DPCD: variants seen among roughly 807,000 people sequenced by gnomAD.
The protein encoded by DPCD is protein DPCD.
In DPCD, 20 loss-of-function variants were observed where a neutral mutation model predicts 26.4. That is an observed-to-expected ratio of 0.76 (90% CI 0.53 to 1.10). DPCD has a LOEUF of 1.10. Ranked by LOEUF, DPCD falls within the 50% of genes least tolerant of loss-of-function variation. DPCD has a pLI of 0.00. For synonymous variants in DPCD, 97 were observed against 94.2 expected, an observed-to-expected ratio of 1.03 and a Z score of -0.17; for missense variants, 202 against 253.9, an observed-to-expected ratio of 0.80 and a Z score of 1.39.
At chr10:101,591,522 G>C (rs541837310) in intron 1 of DPCD, among the ~76,000 whole-genome samples, 32 of 152,120 alleles carry the variant, frequency 2.1e-4, no homozygotes, top group African/African-American at 4.8e-4. Context: ...TGGGGAGTAG[G>C]GGGGAGGTTA....
chr10:101,609,203 T>G (rs2063755408), intron 5 of DPCD, among the ~76,000 whole-genome samples, 164 bp from the exon 6 acceptor site: 1 of 152,156 alleles, frequency 6.6e-6, no homozygotes. Context: ...TGGTCCAAGG[T>G]CTGCTCCTAC....
intron 1 of DPCD, among the ~76,000 whole-genome samples, chr10:101,589,134 A>T (rs886356881): frequency 1.3e-5 from 2 of 152,210 alleles, no homozygotes; most frequent in Non-Finnish European, 2.9e-5. Flanking sequence ...GAGGCTTTCA[A>T]GATAACAACT....
At chr10:101,593,972 G>A (rs143879367) in intron 1 of DPCD, among the ~76,000 whole-genome samples, 109 of 152,258 alleles carry the variant, frequency 7.2e-4, no homozygotes, top group African/African-American at 2.3e-3. Flanking sequence ...CTCCTATCTA[G>A]TAGAAGAGAT....
intron 2 of DPCD, among the ~76,000 whole-genome samples, chr10:101,599,035 T>C (rs898806799): frequency 9.9e-5 from 15 of 152,192 alleles, no homozygotes; most frequent in African/African-American, 3.4e-4. Flanking sequence ...CACTAAATGG[T>C]CCCAAGTGTT....
intron 1 of DPCD, among the ~76,000 whole-genome samples, chr10:101,590,644 T>A (rs192915977): frequency 6.7e-6 from 1 of 150,276 alleles, no homozygotes; most frequent in East Asian, 2.0e-4. Context: ...TGGGGTACGA[T>A]CATAGCTCAC....
intron 4 of DPCD, among the ~76,000 whole-genome samples, chr10:101,602,872 C>T (rs2063707617): frequency 6.6e-6 from 1 of 152,220 alleles, no homozygotes; most frequent in African/African-American, 2.4e-5. Flanking sequence ...ATGTGATTAC[C>T]AGGGAGTGAG....
At chr10:101,604,466 C>T (rs1169141070) in intron 4 of DPCD, among the ~76,000 whole-genome samples, 1 of 152,198 alleles carries the variant, frequency 6.6e-6, no homozygotes, top group Admixed American at 6.5e-5. Flanking sequence ...CTTGCCTTGT[C>T]TCTGAAGAGC....
intron 1 of DPCD, among the ~76,000 whole-genome samples, chr10:101,590,593 T>A (rs999175709): frequency 4.0e-5 from 6 of 151,536 alleles, no homozygotes; most frequent in African/African-American, 1.2e-4. Context: ...TTTTTTTTTT[T>A]TTTTTTTTAG....
rs1861926 is a variant in DPCD at position 101,606,989 on chromosome 10, C to G, written c.405-1846C>G. 7.1e-3 allele frequency among the ~76,000 whole-genome samples: 1,087 copies of G among 152,284 alleles called. 51 individuals carry two copies. The East Asian group carries it at 0.13, about 19-fold the overall frequency. On this transcript the variant is annotated intron_variant, in intron 4 of 5. Coordinates refer to ENST00000370151, the MANE Select transcript of DPCD (RefSeq NM_015448.3). ...AGCCTCCACCTGCTCTGCCTCCATT[C>G]CTCTTGCCTGGTGGTAGGAGTAGTT...
chr10:101,588,503 G>T, intron 1 of DPCD, 103 bp downstream of exon 1: 2 of 1,508,984 alleles, frequency 1.3e-6, no homozygotes, highest in Non-Finnish European at 8.9e-7. Context: ...AAGGGTCTCG[G>T]CGGTCAGCCG....
rs1189023069 is a variant in DPCD, at chr10:101,600,183, A to G, written c.146-555A>G. 6.6e-6 allele frequency among the ~76,000 whole-genome samples: 1 copy of G among 152,040 alleles called. No individual in the cohort carries two copies. Among genetic ancestry groups the G allele is most frequent in the Non-Finnish European group, 1.5e-5 (1 of 68,006 alleles). On this transcript the variant is annotated intron_variant, in intron 2 of 5. Coordinates refer to ENST00000370151, the MANE Select transcript of DPCD (RefSeq NM_015448.3). The surrounding 1 kb of genome is among the most constrained non-coding windows in gnomAD (Gnocchi z 4.7). ...CGATTTTGTTTAAATGCAGCTTTGG[A>G]GCGTTTTTTTGTTTTTGCTTTTTTC...
chr10:101,594,926 T>C (rs1186279744), intron 2 of DPCD, among the ~76,000 whole-genome samples, 188 bp downstream of exon 2: 1 of 152,034 alleles, frequency 6.6e-6, no homozygotes, highest in African/African-American at 2.4e-5. Flanking sequence ...TGCGAGTCCT[T>C]TTGACCAGTA....
chr10:101,599,918 G>A (rs2063680260), intron 2 of DPCD, among the ~76,000 whole-genome samples: 2 of 152,206 alleles, frequency 1.3e-5, no homozygotes, highest in South Asian at 2.1e-4. Flanking sequence ...CCCCTGCAGT[G>A]ATGGACCGCA....
chr10:101,594,527 G>C (rs745990152), intron 1 of DPCD, 131 bp from the exon 2 acceptor site: 11 of 786,272 alleles, frequency 1.4e-5, no homozygotes, highest in Non-Finnish European at 2.4e-5. Flanking sequence ...TTGGCAAGGA[G>C]TTTGGGGAGG....
In DPCD at chr10:101,601,221, G is replaced by A. The variant is rs1322677277; in HGVS notation, c.289G>A (p.Asp97Asn). The change falls in exon 4 of 6, where the codon GAC becomes AAC. Residue 97 changes from aspartate to asparagine, a missense_variant. Asp to Asn is a conservative substitution (Grantham distance 23). This residue lies in a region of DPCD where 118 missense variants were observed against 145.1 expected (regional missense o/e 0.81). Transcript: ENST00000370151. ...TCTGCAGCCTATCTTCATGCGCAAG[G>A]ACACCAAGATGAGTTTCCAGTGGCG... Reference protein sequence around the residue: ...SNANPIFMRKDTKMSFQWRIR... With the variant: ...SNANPIFMRKNTKMSFQWRIR... 3 of 1,613,738 alleles carry A rather than the reference G, an allele frequency of 1.9e-6. No individual in the cohort carries two copies. The highest frequency in any genetic ancestry group is 2.5e-6 in the Non-Finnish European group (3 of 1,179,924).
At chr10:101,599,382 GA>G (rs560831339) in intron 2 of DPCD, among the ~76,000 whole-genome samples, 1 of 152,092 alleles carries the variant, frequency 6.6e-6, no homozygotes, top group Non-Finnish European at 1.5e-5. Context: ...ATTTGTGGGG[GA>G]AAAAAGTTGC....
chr10:101,592,727 C>T (rs371959274), intron 1 of DPCD, among the ~76,000 whole-genome samples: 1 of 141,480 alleles, frequency 7.1e-6, no homozygotes, highest in African/African-American at 2.6e-5. Context: ...AAAAAAAAGC[C>T]TCAGTTGGCC....
chr10:101,608,089 G>A (rs1012207558), intron 4 of DPCD, among the ~76,000 whole-genome samples: 10 of 152,088 alleles, frequency 6.6e-5, no homozygotes, highest in Admixed American at 5.2e-4. Flanking sequence ...ACTGGGTGTT[G>A]CCATCTGTTC....
At chr10:101,590,582 C>CTT (rs763711189) in intron 1 of DPCD, among the ~76,000 whole-genome samples, 14 of 121,556 alleles carry the variant, frequency 1.2e-4, no homozygotes, top group Non-Finnish European at 1.1e-4. Context: ...AACGGAAATT[C>CTT]TTTTTTTTTT....
Sources: allele counts gnomAD v4.1 joint callset (sites outside exome capture counted in the v4.1 genomes callset), GRCh38; gene constraint gnomAD v4.1.1; regional missense constraint gnomAD v4.1.1; non-coding constraint Gnocchi (gnomAD v3.1); transcripts MANE v1.5; gene names NCBI Gene and HGNC (gene_info 2026-07-23, HGNC 2026-07-21).